Variants in USP50 observed in about 807,000 individuals in gnomAD.
USP50 encodes ubiquitin carboxyl-terminal hydrolase 50.
In USP50, 37 loss-of-function variants were observed where a neutral mutation model predicts 39.2. The observed-to-expected ratio is 0.94, with a 90% CI of 0.73 to 1.24. The LOEUF (loss-of-function observed/expected upper bound fraction) is 1.24. USP50 is among the 50% of genes most tolerant of loss of function. USP50 has a pLI of 0.00. For missense variants in USP50, 374 were observed against 398.2 expected (o/e 0.94, Z 0.52); for synonymous variants, 139 against 144.5 (o/e 0.96, Z 0.27).
At chr15:50,521,414 T>G (rs930649026) in intron 6 of USP50, among the ~76,000 whole-genome samples, 11 of 152,174 alleles carry the variant, frequency 7.2e-5, no homozygotes, top group African/African-American at 2.4e-4. Flanking sequence ...TATGTACAAT[T>G]ATTATGTATT....
downstream of USP50, chr15:50,498,795 T>G (rs2052510824): frequency 6.4e-7 from 1 of 1,557,610 alleles, no homozygotes; most frequent in Non-Finnish European, 8.7e-7. Context: ...TTAAGTGGTT[T>G]CCTACCTCAT....
rs386382963 is a variant in USP50, at chr15:50,514,994, T to TAAA, written c.937-14160_937-14158dup. Among the ~76,000 whole-genome samples the TAAA allele has an allele frequency of 5.1e-3, 379 of 74,562 alleles. 6 individuals carry two copies. The highest frequency in any genetic ancestry group is 0.011 in the African/African-American group (202 of 17,888). 48.9% of individuals were successfully genotyped at this position (74,562 alleles called of 152,430 possible). A position where few individuals can be genotyped will look rare whatever the true frequency, so the allele number is the denominator to read the frequency against. On this transcript the variant is annotated intron_variant, in intron 6 of 6. Transcript: ENST00000532404. ...CTGGGAAAAAGAGAGAGACACAGTCTAAAAAAAAAAAAAAAAAAAAGTATT... is the reference window on the plus strand; with the variant it reads ...CTGGGAAAAAGAGAGAGACACAGTCTAAAAAAAAAAAAAAAAAAAAAAAGTATT...
chr15:50,532,272 C>T, intron 5 of USP50: 1 of 455,072 alleles, frequency 2.2e-6, no homozygotes, highest in Non-Finnish European at 4.4e-6. Context: ...TAGGCTAAAG[C>T]ACCCTGTTCG....
chr15:50,524,119 C>T lies in USP50; in HGVS notation c.936+5678G>A, dbSNP rs536579729. 8.5e-5 allele frequency among the ~76,000 whole-genome samples: 13 copies of T among 152,222 alleles called. 1 individual carries two copies. In the East Asian group the frequency reaches 2.1e-3, roughly 25 times the overall value. On this transcript the variant is annotated intron_variant, in intron 6 of 6. Coordinates refer to ENST00000532404, the MANE Select transcript of USP50 (RefSeq NM_203494.5). ...GGATCCTTATATCATAAACAAAAACCGGCTCAAAATGGATTAAAGACTTCA... is the reference window on the plus strand; with the variant it reads ...GGATCCTTATATCATAAACAAAAACTGGCTCAAAATGGATTAAAGACTTCA...
At chr15:50,534,915 C>T (rs745936295) in intron 5 of USP50, among the ~76,000 whole-genome samples, 65 of 152,038 alleles carry the variant, frequency 4.3e-4, no homozygotes, top group Admixed American at 1.4e-3. Flanking sequence ...CCGAGGTGGG[C>T]GGGCCACTTG....
chr15:50,510,783 G>GT (rs1019714416), intron 6 of USP50: 38 of 150,552 alleles, frequency 2.5e-4, no homozygotes, highest in South Asian at 6.3e-4. Context: ...TTGTTTTTTG[G>GT]TTTTTTTTTT....
At chr15:50,503,894 A>G (rs1224152359) in intron 6 of USP50, 1 of 152,158 alleles carries the variant, frequency 6.6e-6, no homozygotes, top group Non-Finnish European at 1.5e-5. Context: ...TAAGATTTAA[A>G]CCCCCAAGGA....
chr15:50,522,119 T>A (rs979294565), intron 6 of USP50, among the ~76,000 whole-genome samples: 1 of 151,810 alleles, frequency 6.6e-6, no homozygotes, highest in African/African-American at 2.4e-5. Flanking sequence ...AAGACTGAAT[T>A]ATGGAGAAAT....
chr15:50,523,905 CA>C (rs1412244465), intron 6 of USP50, among the ~76,000 whole-genome samples: 1 of 152,160 alleles, frequency 6.6e-6, no homozygotes, highest in Non-Finnish European at 1.5e-5. Context: ...CTATTATAAT[CA>C]AAACAGCATG....
At chr15:50,516,595 C>T (rs188678916) in intron 6 of USP50, among the ~76,000 whole-genome samples, 6 of 151,984 alleles carry the variant, frequency 3.9e-5, no homozygotes, top group East Asian at 1.9e-4. Flanking sequence ...CCAGCCTGGG[C>T]GACAGAGTGA....
At chr15:50,506,322 A>C (rs1378168196) in intron 6 of USP50, 1 of 152,284 alleles carries the variant, frequency 6.6e-6, no homozygotes, top group Non-Finnish European at 1.5e-5. Flanking sequence ...CAGCTGCTGC[A>C]TTAGATTCTC....
chr15:50,537,294 A>G (rs2052987431), intron 5 of USP50, among the ~76,000 whole-genome samples: 1 of 152,172 alleles, frequency 6.6e-6, no homozygotes, highest in African/African-American at 2.4e-5. Flanking sequence ...CTTCACAAAA[A>G]TTAACTCAAA....
chr15:50,530,274 C>A (rs956605120), intron 5 of USP50, among the ~76,000 whole-genome samples: 1 of 151,508 alleles, frequency 6.6e-6, no homozygotes, highest in African/African-American at 2.4e-5. Flanking sequence ...CAGAGTGAGA[C>A]CCTGTCTCTA....
At chr15:50,527,406 A>C (rs12914881) in intron 6 of USP50, among the ~76,000 whole-genome samples, 1 of 151,752 alleles carries the variant, frequency 6.6e-6, no homozygotes, top group Admixed American at 6.6e-5. Flanking sequence ...ATGGGGTTTC[A>C]CCATGTTGGT....
intron 6 of USP50, chr15:50,513,403 T>G (rs2052763294): frequency 1.3e-5 from 2 of 151,690 alleles, no homozygotes; most frequent in East Asian, 1.9e-4. Context: ...CTTTAAAATA[T>G]TTAATGAAAA....
chr15:50,534,590 A>T (rs1219381203), intron 5 of USP50, among the ~76,000 whole-genome samples: 1 of 152,208 alleles, frequency 6.6e-6, no homozygotes, highest in East Asian at 1.9e-4. Context: ...ATCAAAAACA[A>T]AATTCAACTG....
At chr15:50,534,927 A>G (rs1032420952) in intron 5 of USP50, among the ~76,000 whole-genome samples, 3 of 152,008 alleles carry the variant, frequency 2.0e-5, no homozygotes, top group African/African-American at 7.2e-5. Context: ...GGCCACTTGA[A>G]GTCAGGAGTT....
intron 5 of USP50, chr15:50,532,307 C>A: frequency 2.3e-6 from 1 of 441,894 alleles, no homozygotes; most frequent in South Asian, 1.6e-5. Flanking sequence ...AGGAGAAACT[C>A]ATTAACCAGA....
chr15:50,545,927 A>C (rs1226426773), intron 1 of USP50, among the ~76,000 whole-genome samples: 1 of 151,052 alleles, frequency 6.6e-6, no homozygotes, highest in Non-Finnish European at 1.5e-5. Flanking sequence ...ACAACTGAAA[A>C]ATTTTTTTAA....
Sources: gnomAD v4.1 joint callset for allele counts (sites outside exome capture counted in the v4.1 genomes callset) on GRCh38, gnomAD v4.1.1 for gene constraint, MANE v1.5 for transcripts, NCBI Gene and HGNC (gene_info 2026-07-23, HGNC 2026-07-21) for gene names.